The following KCNT2 variants were observed in gnomAD, a reference collection of about 807,000 sequenced individuals.
The protein encoded by KCNT2 is potassium channel subfamily T member 2.
In KCNT2, 67 loss-of-function variants were observed where a neutral mutation model predicts 153.8. The observed-to-expected ratio is 0.44, with a 90% CI of 0.36 to 0.53. The LOEUF (loss-of-function observed/expected upper bound fraction) is 0.53, where lower values mean the gene tolerates loss of function less well. KCNT2 is among the 20% of genes least tolerant of loss of function. The probability of loss-of-function intolerance (pLI) is 0.00; values close to 1 mark genes in which losing one functional copy is unlikely to be tolerated. For synonymous variants in KCNT2, 500 were observed against 458.8 expected (o/e 1.09, Z -1.15); for missense variants, 975 against 1,354.8 (o/e 0.72, Z 4.40).
intron 13 of KCNT2, among the ~76,000 whole-genome samples, chr1:196,386,336 G>C (rs1669982110): frequency 1.3e-5 from 2 of 152,042 alleles, no homozygotes; most frequent in African/African-American, 2.4e-5. Context: ...TTACATTGTT[G>C]TTTATACCAC....
At chr1:196,354,267 T>C (rs1666997039) in intron 14 of KCNT2, among the ~76,000 whole-genome samples, 1 of 151,794 alleles carries the variant, frequency 6.6e-6, no homozygotes. Flanking sequence ...TTTAAGCACC[T>C]CTACACTGTA....
At chr1:196,253,803 A>C (rs1656212798) in intron 26 of KCNT2, among the ~76,000 whole-genome samples, 1 of 151,612 alleles carries the variant, frequency 6.6e-6, no homozygotes, top group Non-Finnish European at 1.5e-5. Flanking sequence ...AACCCATAAT[A>C]AACTGTTAAA....
In KCNT2 at chr1:196,282,312, C is replaced by T. The variant is rs756454236; in HGVS notation, c.2742G>A (p.Leu914=). ...DYMISITRLL[L]GLDTTPGSGF... ...CAGATCCTGGTGTAGTGTCCAGTCC[C>T]AACAGAAGTCTCGTGATAGAAATCA... Residue 914 remains leucine (L), a synonymous_variant, in exon 24 of 28, where the codon TTG becomes TTA. Transcript: ENST00000294725. The T allele has an allele frequency of 2.5e-6, 4 of 1,602,482 alleles. No homozygotes were observed. The South Asian group carries it at 4.4e-5, about 18-fold the overall frequency.
At chr1:196,482,433 C>A in intron 3 of KCNT2, 54 bp from the exon 4 acceptor site, 1 of 970,130 alleles carries the variant, frequency 1.0e-6, no homozygotes, top group South Asian at 1.7e-5. Flanking sequence ...AATCTATTCA[C>A]TTTTAAAATT....
chr1:196,273,114 G>C (rs1374370175), intron 25 of KCNT2, among the ~76,000 whole-genome samples: 1 of 151,758 alleles, frequency 6.6e-6, no homozygotes, highest in African/African-American at 2.4e-5. Context: ...GCATAGTAAA[G>C]GAGGTCTACT....
intron 1 of KCNT2, among the ~76,000 whole-genome samples, chr1:196,524,351 C>G (rs1038315093): frequency 6.6e-6 from 1 of 150,506 alleles, no homozygotes; most frequent in African/African-American, 2.5e-5. Context: ...CAAAGGTCCA[C>G]GGACTGAGAA....
chr1:196,556,568 T>G (rs184663501), intron 1 of KCNT2, among the ~76,000 whole-genome samples: 17 of 151,378 alleles, frequency 1.1e-4, no homozygotes, highest in African/African-American at 3.4e-4. Flanking sequence ...AGAAAACAGT[T>G]TGGTAGTTCA....
At chr1:196,260,585 C>G (rs1656921606) in intron 25 of KCNT2, among the ~76,000 whole-genome samples, 1 of 151,770 alleles carries the variant, frequency 6.6e-6, no homozygotes, top group East Asian at 1.9e-4. Flanking sequence ...TTACTAACCT[C>G]ACTTTAACTA....
At chr1:196,579,512 G>A (rs1273481845) in intron 1 of KCNT2, among the ~76,000 whole-genome samples, 1 of 150,112 alleles carries the variant, frequency 6.7e-6, no homozygotes, top group African/African-American at 2.4e-5. Context: ...CTTTTTTTTT[G>A]AGATGCAGTC....
Position 196,441,010 on chromosome 1 carries a change from A to G in KCNT2, c.639-11253T>C, listed in dbSNP as rs554406583. 2.8e-4 allele frequency among the ~76,000 whole-genome samples: 43 copies of G among 152,006 alleles called. No individual in the cohort carries two copies. In the South Asian group the frequency reaches 4.6e-3, roughly 16 times the overall value. On this transcript the variant is annotated intron_variant, in intron 8 of 27. Transcript: ENST00000294725. ...AGAAGCTCCCTCATCCTGCTCAGAA[A>G]GAAGCTGGGAGAAGACAGATTTCTT...
intron 22 of KCNT2, among the ~76,000 whole-genome samples, chr1:196,294,749 C>A (rs961762324): frequency 1.3e-5 from 2 of 151,688 alleles, no homozygotes; most frequent in African/African-American, 4.8e-5. Flanking sequence ...GATATGGAAG[C>A]AACCTAGGTG....
intron 11 of KCNT2, among the ~76,000 whole-genome samples, chr1:196,423,802 G>A (rs994062863): frequency 1.3e-5 from 2 of 151,580 alleles, no homozygotes; most frequent in African/African-American, 4.8e-5. Context: ...AAACCAAACA[G>A]TTCTGGGAAA....
intron 1 of KCNT2, among the ~76,000 whole-genome samples, chr1:196,516,522 C>A (rs1418533266): frequency 6.6e-6 from 1 of 152,206 alleles, no homozygotes; most frequent in Non-Finnish European, 1.5e-5. Flanking sequence ...GTACTACTAT[C>A]TTTGCTATTT....
intron 14 of KCNT2, among the ~76,000 whole-genome samples, chr1:196,355,037 G>T (rs1667055635): frequency 6.6e-6 from 1 of 151,684 alleles, no homozygotes; most frequent in Non-Finnish European, 1.5e-5. Context: ...ATAATTTACG[G>T]TACGGGGGTA....
intron 14 of KCNT2, among the ~76,000 whole-genome samples, chr1:196,346,675 G>A (rs1368308129): frequency 6.6e-6 from 1 of 152,022 alleles, no homozygotes; most frequent in African/African-American, 2.4e-5. Context: ...AAAAAAGAAT[G>A]TTGTGTTGGT....
intron 26 of KCNT2, among the ~76,000 whole-genome samples, chr1:196,243,016 T>C (rs1012510432): frequency 2.6e-5 from 4 of 152,188 alleles, no homozygotes; most frequent in Non-Finnish European, 5.9e-5. Context: ...ATAATTATGA[T>C]GTCAAACATT....
chr1:196,295,127 A>AAT (rs1225929083), intron 22 of KCNT2, among the ~76,000 whole-genome samples: 7 of 151,452 alleles, frequency 4.6e-5, no homozygotes, highest in African/African-American at 4.8e-5. Flanking sequence ...ACACATTGTA[A>AAT]ATATATATAT....
At position 196,605,502 on chromosome 1, in the gene KCNT2, C is replaced by A. The variant is rs190060401; in HGVS notation, c.95+2713G>T. ...TTGTTCTCCAAGCAGGACTTGGATG[C>A]ACCTGAGGTTGGTGGTGGGGAGAAA... On this transcript the variant is annotated intron_variant, in intron 1 of 27. Transcript: ENST00000294725. Among the ~76,000 whole-genome samples the A allele has an allele frequency of 3.9e-5, 6 of 152,262 alleles. No homozygotes were observed. In the East Asian group the frequency reaches 9.7e-4, roughly 25 times the overall value.
chr1:196,496,760 C>T (rs988132228), intron 1 of KCNT2, among the ~76,000 whole-genome samples: 2 of 152,118 alleles, frequency 1.3e-5, no homozygotes, highest in Non-Finnish European at 2.9e-5. Context: ...CTGGACGGGA[C>T]GCCATCACAT....
Sources: gnomAD v4.1 joint callset for allele counts (sites outside exome capture counted in the v4.1 genomes callset) on GRCh38, gnomAD v4.1.1 for gene constraint, MANE v1.5 for transcripts, NCBI Gene and HGNC (gene_info 2026-07-23, HGNC 2026-07-21) for gene names.